SHTN1: variants seen among roughly 807,000 people sequenced by gnomAD.
SHTN1 encodes the protein shootin 1, also known as shootin-1.
In SHTN1, 42 loss-of-function variants were observed where a neutral mutation model predicts 83.1. The observed-to-expected ratio is 0.51, with a 90% CI of 0.39 to 0.65. The LOEUF (loss-of-function observed/expected upper bound fraction) is 0.65, where lower values mean the gene tolerates loss of function less well. SHTN1 is among the 30% of genes least tolerant of loss of function. The probability of loss-of-function intolerance (pLI) is 0.00; values close to 1 mark genes in which losing one functional copy is unlikely to be tolerated. For synonymous variants in SHTN1, 224 were observed against 247.7 expected (o/e 0.90, Z 0.90); for missense variants, 622 against 737.8 (o/e 0.84, Z 1.82).
chr10:116,951,116 T>C (rs1206058414), intron 6 of SHTN1, among the ~76,000 whole-genome samples: 1 of 152,188 alleles, frequency 6.6e-6, no homozygotes, highest in Non-Finnish European at 1.5e-5. Flanking sequence ...GGTCTTGTTC[T>C]GAAAGACAGT....
intron 9 of SHTN1, among the ~76,000 whole-genome samples, chr10:116,930,358 A>C (rs1283478710): frequency 1.4e-4 from 21 of 152,128 alleles, no homozygotes; most frequent in Admixed American, 1.3e-3. Context: ...AGTACCTGAT[A>C]GATACTTTTT....
At chr10:116,954,376 ATTTC>A (rs1415733221) in intron 4 of SHTN1, among the ~76,000 whole-genome samples, 166 bp from the exon 5 acceptor site, 1 of 150,416 alleles carries the variant, frequency 6.6e-6, no homozygotes, top group African/African-American at 2.4e-5. Flanking sequence ...TATTAAATTT[ATTTC>A]TTTAACCAAG....
rs375373843 is a variant in SHTN1 at position 116,935,955 on chromosome 10, C to T, written c.858+4511G>A. Among the ~76,000 whole-genome samples, 20 of 152,084 alleles carry T rather than the reference C, an allele frequency of 1.3e-4. No individual in the cohort carries two copies. In the East Asian group the frequency reaches 3.1e-3, roughly 23 times the overall value. On this transcript the variant is annotated intron_variant, in intron 9 of 16. Coordinates refer to ENST00000355371, the MANE Select transcript of SHTN1 (RefSeq NM_001127211.3). ...CTAGATTTTCTAGTTTATTTGTGTA[C>T]AGGTATTTATAGTATTCTCTGATGG...
intron 3 of SHTN1, among the ~76,000 whole-genome samples, chr10:116,964,791 C>T (rs556218234): frequency 4.6e-5 from 7 of 151,984 alleles, no homozygotes; most frequent in Non-Finnish European, 8.8e-5. Flanking sequence ...GAGACCAGCC[C>T]GGCCAACATG....
chr10:116,954,342 G>A (rs754039850), intron 4 of SHTN1, 132 bp from the exon 5 acceptor site: 7 of 564,272 alleles, frequency 1.2e-5, no homozygotes, highest in Non-Finnish European at 2.1e-5. Context: ...ATAACAATTA[G>A]TGGATTCATT....
chr10:116,984,334 C>T (rs1589868860), intron 1 of SHTN1, among the ~76,000 whole-genome samples: 1 of 152,266 alleles, frequency 6.6e-6, no homozygotes, highest in East Asian at 1.9e-4. Context: ...TTCAAGTGCT[C>T]GATAGCCACA....
intron 4 of SHTN1, among the ~76,000 whole-genome samples, chr10:116,955,814 G>A (rs1305159099): frequency 6.6e-6 from 1 of 152,154 alleles, no homozygotes; most frequent in Non-Finnish European, 1.5e-5. Flanking sequence ...CTCTATTCAG[G>A]AAATCAGACA....
chr10:116,941,776 T>G (rs1177274639), intron 8 of SHTN1, among the ~76,000 whole-genome samples: 1 of 152,204 alleles, frequency 6.6e-6, no homozygotes, highest in East Asian at 1.9e-4. Context: ...CCTTAAGCTC[T>G]TGATCAGTAT....
chr10:116,911,448 T>G, intron 14 of SHTN1: 1 of 1,545,710 alleles, frequency 6.5e-7, no homozygotes, highest in Non-Finnish European at 8.7e-7. Flanking sequence ...ATTATTCATC[T>G]ATTATATTTC....
At chr10:116,905,038 A>G (rs1186598055) in intron 15 of SHTN1, among the ~76,000 whole-genome samples, 1 of 151,364 alleles carries the variant, frequency 6.6e-6, no homozygotes, top group Non-Finnish European at 1.5e-5. Flanking sequence ...CGTCTCTACT[A>G]AAAATACAAA....
intron 1 of SHTN1, 47 bp downstream of exon 1, chr10:117,004,975 G>C: frequency 6.5e-7 from 1 of 1,545,312 alleles, no homozygotes; most frequent in Non-Finnish European, 8.8e-7. Context: ...GGCCGTCCCC[G>C]CCCACGGGCC....
In SHTN1 at chr10:116,987,016, C is replaced by T. The variant is rs747896318; in HGVS notation, c.59-7708G>A. On this transcript the variant is annotated intron_variant, in intron 1 of 16. Coordinates refer to ENST00000355371, the MANE Select transcript of SHTN1 (RefSeq NM_001127211.3). The stretch of plus-strand genomic sequence containing the variant: ...TGCTGGGATTACAGGTGTGAACCAC[C>T]GTGCCCGGCCTATTTTTTTAAAAGG... Among the ~76,000 whole-genome samples the T allele has an allele frequency of 1.6e-4, 24 of 151,858 alleles. No homozygotes were observed. In the East Asian group the frequency reaches 2.3e-3, roughly 15 times the overall value.
At chr10:116,895,805 G>A (rs1333791799) in intron 16 of SHTN1, among the ~76,000 whole-genome samples, 1 of 152,214 alleles carries the variant, frequency 6.6e-6, no homozygotes, top group Non-Finnish European at 1.5e-5. Context: ...AGTTAGAAGT[G>A]TAATTTTGGG....
chr10:117,076,661 T>C (rs953161877), intron 1 of SHTN1, among the ~76,000 whole-genome samples: 5 of 152,208 alleles, frequency 3.3e-5, no homozygotes, highest in Non-Finnish European at 7.3e-5. Flanking sequence ...ATTTCAAATA[T>C]CGAAAGTTAT....
chr10:116,924,746 A>ATTTTTTT (rs201343735), intron 11 of SHTN1, among the ~76,000 whole-genome samples: 1 of 89,526 alleles, frequency 1.1e-5, no homozygotes, highest in Non-Finnish European at 2.2e-5. Flanking sequence ...ATTTTCACCT[A>ATTTTTTT]TTTTTTTTTT....
intron 2 of SHTN1, among the ~76,000 whole-genome samples, chr10:117,035,994 CAGA>C (rs1231302169): frequency 2.7e-5 from 4 of 148,822 alleles, no homozygotes; most frequent in East Asian, 4.0e-4. Context: ...CGACATTTCT[CAGA>C]AGAAGAAATA....
intron 2 of SHTN1, among the ~76,000 whole-genome samples, chr10:117,025,638 C>T (rs1852324170): frequency 6.6e-6 from 1 of 152,100 alleles, no homozygotes; most frequent in African/African-American, 2.4e-5. Flanking sequence ...CTCAAGGCTC[C>T]AAGAGAGACC....
At chr10:116,904,944 GTAATCC>G (rs1847903886) in intron 15 of SHTN1, among the ~76,000 whole-genome samples, 1 of 151,950 alleles carries the variant, frequency 6.6e-6, no homozygotes, top group South Asian at 2.2e-4. Flanking sequence ...GCTCACGCCT[GTAATCC>G]CAGCACTTTG....
intron 2 of SHTN1, among the ~76,000 whole-genome samples, chr10:117,034,798 A>C (rs1408579628): frequency 6.6e-6 from 1 of 152,184 alleles, no homozygotes; most frequent in Non-Finnish European, 1.5e-5. Flanking sequence ...TCTATAATAT[A>C]AACCATAAAC....
Sources: gnomAD v4.1 joint callset for allele counts (sites outside exome capture counted in the v4.1 genomes callset) on GRCh38, gnomAD v4.1.1 for gene constraint, MANE v1.5 for transcripts, NCBI Gene and HGNC (gene_info 2026-07-23, HGNC 2026-07-21) for gene names.